SLC45A2: variants seen among roughly 807,000 people sequenced by gnomAD.
SLC45A2 encodes the protein membrane-associated transporter protein.
Under a neutral mutation model 45.5 loss-of-function variants are expected in SLC45A2, and 36 were observed. That is an observed-to-expected ratio of 0.79 (90% CI 0.61 to 1.04). The LOEUF is 1.04. SLC45A2 is among the 50% of genes least tolerant of loss of function. The probability of loss-of-function intolerance (pLI) is 0.00; values close to 1 mark genes in which losing one functional copy is unlikely to be tolerated. For missense variants in SLC45A2, 719 were observed against 671.0 expected, an observed-to-expected ratio of 1.07 and a Z score of -0.79; for synonymous variants, 306 against 269.3, an observed-to-expected ratio of 1.14 and a Z score of -1.33.
Position 33,963,907 on chromosome 5 carries a change from C to T in SLC45A2, c.672G>A (p.Leu224=), listed in dbSNP as rs1383530565. The T allele has an allele frequency of 1.2e-5, 19 of 1,613,984 alleles. No individual in the cohort carries two copies. Among genetic ancestry groups the T allele is most frequent in the Middle Eastern group, 1.6e-4 (1 of 6,082 alleles). ...GAACAGTAAAACACAAAGTGAGCAC[C>T]AATGCAGAGAAGAAGAACATGACCT... ...EFQVMFFFSA[L]VLTLCFTVHL... Residue 224 remains leucine (L), a synonymous_variant, in exon 3 of 7, where the codon TTG becomes TTA. Transcript: ENST00000296589.
At chr5:33,972,109 T>C (rs939918604) in intron 2 of SLC45A2, 75 of 516,616 alleles carry the variant, frequency 1.5e-4, no homozygotes, top group Admixed American at 5.9e-4. Context: ...AAAGGGCTCA[T>C]TGGATCAGAG....
rs554080856 is a variant in SLC45A2, at chr5:33,962,888, A to G, written c.888+803T>C. Among the ~76,000 whole-genome samples the G allele has an allele frequency of 2.0e-5, 3 of 152,328 alleles. No individual in the cohort carries two copies. The East Asian group carries it at 5.8e-4, about 29-fold the overall frequency. On this transcript the variant is annotated intron_variant, in intron 3 of 6. Coordinates refer to ENST00000296589, the MANE Select transcript of SLC45A2 (RefSeq NM_016180.5). ...TGTCAATCAAGAAATCCTCTGTTCT[A>G]TATCCCTGAGGTTTTGGCATTCAAT...
At chr5:33,982,897 G>A (rs1753121018) in intron 1 of SLC45A2, among the ~76,000 whole-genome samples, 1 of 152,226 alleles carries the variant, frequency 6.6e-6, no homozygotes, top group African/African-American at 2.4e-5. Context: ...CCCCAGCAAA[G>A]GTCAGGCTTT....
At chr5:33,968,632 A>G (rs1752678216) in intron 2 of SLC45A2, among the ~76,000 whole-genome samples, 2 of 146,594 alleles carry the variant, frequency 1.4e-5, no homozygotes, top group Non-Finnish European at 3.0e-5. Flanking sequence ...TATGTAAAAA[A>G]TTGTCTTTAG....
At chr5:33,952,783 G>A (rs1213889080) in intron 4 of SLC45A2, among the ~76,000 whole-genome samples, 7 of 135,216 alleles carry the variant, frequency 5.2e-5, no homozygotes, top group Admixed American at 1.5e-4. Context: ...ATGCTGGTGC[G>A]CTGCACCCAC....
chr5:33,981,373 A>G (rs886439287), intron 2 of SLC45A2, among the ~76,000 whole-genome samples: 3 of 152,210 alleles, frequency 2.0e-5, no homozygotes, highest in Non-Finnish European at 4.4e-5. Flanking sequence ...CTTGCTTTTC[A>G]TGGACCTACC....
intron 3 of SLC45A2, among the ~76,000 whole-genome samples, chr5:33,956,569 A>G (rs1307237345): frequency 6.6e-6 from 1 of 152,196 alleles, no homozygotes; most frequent in Non-Finnish European, 1.5e-5. Context: ...CTTTAGCAGA[A>G]AAACACACAA....
intron 2 of SLC45A2, among the ~76,000 whole-genome samples, chr5:33,971,780 C>T (rs1752783417): frequency 6.6e-6 from 1 of 152,138 alleles, no homozygotes; most frequent in Admixed American, 6.5e-5. Flanking sequence ...GCATGCACCC[C>T]CATGCCTGGC....
chr5:33,947,135 C>G (rs756629881), intron 6 of SLC45A2, 28 bp downstream of exon 6: 2 of 1,614,158 alleles, frequency 1.2e-6, no homozygotes, highest in Non-Finnish European at 1.7e-6. Flanking sequence ...TGGATGTTAC[C>G]CAAGGCAGAG....
intron 2 of SLC45A2, among the ~76,000 whole-genome samples, chr5:33,977,070 C>T (rs994476306): frequency 6.6e-6 from 1 of 152,142 alleles, no homozygotes; most frequent in Non-Finnish European, 1.5e-5. Context: ...TAATTCAAAT[C>T]CAATAGGACT....
At chr5:33,982,131 C>T in intron 2 of SLC45A2, 105 bp downstream of exon 2, 1 of 1,292,958 alleles carries the variant, frequency 7.7e-7, no homozygotes, top group Admixed American at 1.7e-5. Context: ...CATCAGCTGA[C>T]CCGTTCATTC....
intron 2 of SLC45A2, among the ~76,000 whole-genome samples, chr5:33,969,044 A>ACTCTCAATCTCTCTCTCTCT (rs1752692297): frequency 1.1e-5 from 1 of 90,388 alleles, no homozygotes; most frequent in Non-Finnish European, 2.3e-5. Context: ...AGTACCAGCT[A>ACTCTCAATCTCTCTCTCTCT]CTCTCTCTCT....
intron 2 of SLC45A2, among the ~76,000 whole-genome samples, chr5:33,974,488 T>C (rs1362896398): frequency 2.6e-5 from 4 of 151,922 alleles, no homozygotes; most frequent in Non-Finnish European, 5.9e-5. Flanking sequence ...ACTGGGATGA[T>C]TGGATTCCTT....
intron 2 of SLC45A2, among the ~76,000 whole-genome samples, chr5:33,965,346 G>A (rs1406454856): frequency 1.3e-5 from 2 of 152,206 alleles, no homozygotes; most frequent in African/African-American, 4.8e-5. Flanking sequence ...ATTCAAATTA[G>A]TGAGAGAGTA....
chr5:33,974,204 G>A (rs1191404559), intron 2 of SLC45A2, among the ~76,000 whole-genome samples: 2 of 152,200 alleles, frequency 1.3e-5, no homozygotes, highest in African/African-American at 4.8e-5. Flanking sequence ...GTGAGAAGAT[G>A]CGGGTGGACC....
chr5:33,971,035 T>C, intron 2 of SLC45A2: 1 of 497,654 alleles, frequency 2.0e-6, no homozygotes, highest in South Asian at 1.5e-5. Context: ...AGATTGTGAG[T>C]AACATGCTTA....
chr5:33,965,114 G>A (rs1201985046), intron 2 of SLC45A2, among the ~76,000 whole-genome samples: 1 of 152,142 alleles, frequency 6.6e-6, no homozygotes, highest in Non-Finnish European at 1.5e-5. Context: ...TTATCTAGCT[G>A]AACAGATCAG....
At chr5:33,952,962 C>T (rs569844342) in intron 4 of SLC45A2, among the ~76,000 whole-genome samples, 2,928 of 94,038 alleles carry the variant, frequency 0.031, 176 homozygotes, top group African/African-American at 0.12. Flanking sequence ...TTTGTTCTTG[C>T]GATAGTTTAC....
At chr5:33,978,885 A>G (rs946079402) in intron 2 of SLC45A2, among the ~76,000 whole-genome samples, 4 of 152,174 alleles carry the variant, frequency 2.6e-5, no homozygotes, top group Admixed American at 2.6e-4. Context: ...TTTTTCCATC[A>G]ACAGTACTAA....
Sources: gnomAD v4.1 joint callset for allele counts (sites outside exome capture counted in the v4.1 genomes callset) on GRCh38, gnomAD v4.1.1 for gene constraint, MANE v1.5 for transcripts, NCBI Gene and HGNC (gene_info 2026-07-23, HGNC 2026-07-21) for gene names.